Variants in TMEM68 observed in about 807,000 individuals in gnomAD.
The protein encoded by TMEM68 is transmembrane protein 68, also known as DGAT1/2-independent enzyme synthesizing storage lipids.
Under a neutral mutation model 36.9 loss-of-function variants are expected in TMEM68, and 25 were observed. The ratio of observed to expected loss-of-function variants is 0.68; its 90% CI spans 0.49 to 0.95. TMEM68 has a LOEUF of 0.95. Among genes scored for constraint, TMEM68 ranks in the 40% least tolerant of loss-of-function variants. The pLI is 0.00. For missense variants in TMEM68, 333 were observed against 392.0 expected, an observed-to-expected ratio of 0.85 and a Z score of 1.27; for synonymous variants, 131 against 124.4, an observed-to-expected ratio of 1.05 and a Z score of -0.35.
chr8:55,766,054 G>A (rs571302027), intron 1 of TMEM68, among the ~76,000 whole-genome samples: 1 of 152,342 alleles, frequency 6.6e-6, no homozygotes, highest in South Asian at 2.1e-4. Context: ...TAGGTCAGAT[G>A]ATGACAGGTG....
At chr8:55,761,502 G>A (rs1177080992) in intron 3 of TMEM68, 3 of 152,104 alleles carry the variant, frequency 2.0e-5, no homozygotes, top group African/African-American at 7.2e-5. Context: ...ATACTCCCAG[G>A]TATCTGGGGT....
intron 1 of TMEM68, among the ~76,000 whole-genome samples, chr8:55,771,621 A>AAAAT (rs997187571): frequency 1.3e-5 from 2 of 152,206 alleles, no homozygotes; most frequent in African/African-American, 2.4e-5. Flanking sequence ...TGTCTCAAAA[A>AAAAT]AAATAAATAA....
chr8:55,743,387 G>A, intron 7 of TMEM68, 94 bp downstream of exon 7: 1 of 1,411,858 alleles, frequency 7.1e-7, no homozygotes, highest in Non-Finnish European at 9.3e-7. Flanking sequence ...ACCTAGACAT[G>A]CTTGTAGAAT....
In TMEM68 at chr8:55,751,371, C is replaced by T. The variant is rs1585714283; in HGVS notation, c.494-214G>A. ...TAAGTAAAACTCACAACAATCTTGA[C>T]AAACAGGTATTCTTCTCCCCACTTT... On this transcript the variant is annotated intron_variant, in intron 4 of 7. Coordinates refer to ENST00000434581, the MANE Select transcript of TMEM68 (RefSeq NM_001286657.2). The T allele has an allele frequency of 2.7e-5, 14 of 511,316 alleles. No homozygotes were observed. The East Asian group carries it at 4.6e-4, about 17-fold the overall frequency. The allele number at this position is 511,316 out of a possible 1,614,324, so 31.7% of individuals were successfully genotyped here.
intron 5 of TMEM68, chr8:55,745,782 A>T (rs1215488751): frequency 1.3e-5 from 2 of 152,174 alleles, no homozygotes; most frequent in Non-Finnish European, 2.9e-5. Flanking sequence ...CTGCAGTCTC[A>T]ACCTCCCAGG....
At chr8:55,763,165 TTTA>T (rs1810854863) in intron 2 of TMEM68, 137 bp from the exon 3 acceptor site, 3 of 462,814 alleles carry the variant, frequency 6.5e-6, no homozygotes, top group Non-Finnish European at 1.1e-5. Flanking sequence ...TTGTTGCAGA[TTTA>T]AATGTGAAAA....
At chr8:55,747,447 T>G (rs911950285) in intron 5 of TMEM68, 5 of 152,140 alleles carry the variant, frequency 3.3e-5, no homozygotes, top group Non-Finnish European at 4.4e-5. Flanking sequence ...CACAAGAAGA[T>G]AAAGAAGACA....
chr8:55,741,907 A>G (rs1810115350), intron 7 of TMEM68, among the ~76,000 whole-genome samples: 1 of 152,144 alleles, frequency 6.6e-6, no homozygotes. Flanking sequence ...ACCAAGTAAA[A>G]AAGTACAAAC....
chr8:55,743,900 T>C (rs1372641689), intron 6 of TMEM68, among the ~76,000 whole-genome samples: 1 of 152,106 alleles, frequency 6.6e-6, no homozygotes, highest in Admixed American at 6.6e-5. Context: ...CCCAAAAAAG[T>C]TTATTAATTA....
intron 3 of TMEM68, among the ~76,000 whole-genome samples, chr8:55,759,313 A>G (rs1810708387): frequency 6.6e-6 from 1 of 151,632 alleles, no homozygotes. Context: ...GCTCGTGCCT[A>G]TAATACCAGC....
chr8:55,743,363 G>A (rs766221097), intron 7 of TMEM68, 118 bp downstream of exon 7: 1 of 1,290,604 alleles, frequency 7.7e-7, no homozygotes, highest in Non-Finnish European at 1.0e-6. Flanking sequence ...ATCACCTCTG[G>A]TTGAGAACCA....
At chr8:55,771,850 A>C (rs1315415205) in intron 1 of TMEM68, among the ~76,000 whole-genome samples, 1 of 152,224 alleles carries the variant, frequency 6.6e-6, no homozygotes, top group East Asian at 1.9e-4. Context: ...CAAACCATGA[A>C]TAAAGCTGCA....
intron 3 of TMEM68, chr8:55,761,708 A>G (rs1018832911): frequency 9.9e-5 from 15 of 152,236 alleles, no homozygotes; most frequent in Non-Finnish European, 1.5e-4. Flanking sequence ...TTCGTTAAGT[A>G]TGTATGTAGT....
At chr8:55,746,317 C>CCAA (rs1554551775) in intron 5 of TMEM68, 1 of 57,184 alleles carries the variant, frequency 1.7e-5, no homozygotes, top group Non-Finnish European at 2.8e-5. Context: ...CACTGTCTCC[C>CCAA]AAAAAAAAAA....
rs1215621030 is a variant in TMEM68, at chr8:55,754,464, TATACACAC to T, written c.493+1772_493+1779del. On this transcript the variant is annotated intron_variant, in intron 4 of 7. Transcript: ENST00000434581. ...TCTCGAATATATATATATATATATA[TATACACAC>T]ACACACACACACACACACACATACA... Among the ~76,000 whole-genome samples the T allele has an allele frequency of 3.3e-3, 385 of 115,734 alleles. 4 individuals carry two copies. The highest frequency in any genetic ancestry group is 0.013 in the African/African-American group (341 of 26,614). 75.9% of individuals were successfully genotyped at this position (115,734 alleles called of 152,430 possible).
intron 4 of TMEM68, among the ~76,000 whole-genome samples, chr8:55,753,965 G>A (rs760703278): frequency 6.6e-6 from 1 of 151,134 alleles, no homozygotes; most frequent in Non-Finnish European, 1.5e-5. Context: ...GGTGGCAGGC[G>A]CCAGTAATCC....
At chr8:55,756,592 A>G (rs1810615627) in intron 3 of TMEM68, among the ~76,000 whole-genome samples, 181 bp from the exon 4 acceptor site, 1 of 152,092 alleles carries the variant, frequency 6.6e-6, no homozygotes, top group South Asian at 2.1e-4. Flanking sequence ...TCAGTCCTAC[A>G]GCCATTAGGT....
At chr8:55,764,597 T>C (rs13248952) in intron 1 of TMEM68, among the ~76,000 whole-genome samples, 3 of 152,196 alleles carry the variant, frequency 2.0e-5, no homozygotes, top group Admixed American at 6.5e-5. Context: ...AACTGGCTTA[T>C]TAGGAGGGCA....
At chr8:55,744,182 A>G (rs530430966) in intron 6 of TMEM68, among the ~76,000 whole-genome samples, 1 of 151,124 alleles carries the variant, frequency 6.6e-6, no homozygotes, top group African/African-American at 2.4e-5. Flanking sequence ...ACAAAATAAT[A>G]TTATGAATTA....
Sources: gnomAD v4.1 joint callset for allele counts (sites outside exome capture counted in the v4.1 genomes callset) on GRCh38, gnomAD v4.1.1 for gene constraint, MANE v1.5 for transcripts, NCBI Gene and HGNC (gene_info 2026-07-23, HGNC 2026-07-21) for gene names.